The following LONP2 variants were observed in gnomAD, a reference collection of about 807,000 sequenced individuals.
LONP2 encodes the protein lon peptidase 2, peroxisomal, also known as lon protease homolog 2, peroxisomal.
In LONP2, 60 loss-of-function variants were observed where a neutral mutation model predicts 85.6. The observed-to-expected ratio is 0.70, with a 90% CI of 0.57 to 0.87. LONP2 has a LOEUF of 0.87. LONP2 is among the 40% of genes least tolerant of loss of function. LONP2 has a pLI of 0.00. For synonymous variants in LONP2, 395 were observed against 389.7 expected (o/e 1.01, Z -0.16); for missense variants, 860 against 1,063.5 (o/e 0.81, Z 2.66).
chr16:48,301,972 T>C (rs570327221), intron 10 of LONP2, among the ~76,000 whole-genome samples: 16 of 152,346 alleles, frequency 1.1e-4, no homozygotes, highest in African/African-American at 3.8e-4. Flanking sequence ...TCAATGTGTC[T>C]TTTAAAATTA....
In LONP2 at chr16:48,310,904, C is replaced by G. The variant is rs567682711; in HGVS notation, c.1795+7599C>G. Among the ~76,000 whole-genome samples the G allele has an allele frequency of 7.0e-4, 107 of 152,236 alleles. 1 individual carries two copies. Among genetic ancestry groups the G allele is most frequent in the Non-Finnish European group, 1.1e-3 (78 of 68,016 alleles). On this transcript the variant is annotated intron_variant, in intron 11 of 14. Coordinates refer to ENST00000285737, the MANE Select transcript of LONP2 (RefSeq NM_031490.5). The stretch of plus-strand genomic sequence containing the variant: ...TTATCTGGGAAACACTTTATTTCTC[C>G]TTCATTTGTGAAGCTTACACTAGCA...
At chr16:48,315,214 C>T (rs57833761) in intron 11 of LONP2, among the ~76,000 whole-genome samples, 2,404 of 152,304 alleles carry the variant, frequency 0.016, 54 homozygotes, top group African/African-American at 0.053. Context: ...TCAACATTCT[C>T]CAGTAAACAC....
chr16:48,255,710 G>T (rs1971744959), intron 2 of LONP2, among the ~76,000 whole-genome samples: 1 of 152,064 alleles, frequency 6.6e-6, no homozygotes, highest in African/African-American at 2.4e-5. Context: ...CCCCCATACT[G>T]TTCTCTTGGT....
intron 11 of LONP2, among the ~76,000 whole-genome samples, chr16:48,316,637 G>A (rs531968837): frequency 6.6e-6 from 1 of 151,994 alleles, no homozygotes; most frequent in East Asian, 1.9e-4. Flanking sequence ...AGGATTCTTT[G>A]TATATATATG....
chr16:48,257,858 CAG>C (rs1971791786), intron 3 of LONP2, among the ~76,000 whole-genome samples: 1 of 152,212 alleles, frequency 6.6e-6, no homozygotes, highest in Non-Finnish European at 1.5e-5. Flanking sequence ...ACTGCGGGAA[CAG>C]AGAGCGGCCT....
chr16:48,347,746 A>T (rs1330329004), intron 13 of LONP2, 32 bp downstream of exon 13: 8 of 1,590,004 alleles, frequency 5.0e-6, no homozygotes, highest in Non-Finnish European at 5.1e-6. Flanking sequence ...GGCAGGCGTG[A>T]CCCAGGAGGC....
At chr16:48,296,304 A>G (rs1444029824) in intron 9 of LONP2, 139 bp downstream of exon 9, 1 of 921,952 alleles carries the variant, frequency 1.1e-6, no homozygotes, top group Non-Finnish European at 1.6e-6. Flanking sequence ...ATGTATATAA[A>G]TCAGTTTCTA....
intron 1 of LONP2, among the ~76,000 whole-genome samples, chr16:48,245,007 C>T (rs770933225): frequency 6.6e-6 from 1 of 152,146 alleles, no homozygotes; most frequent in Non-Finnish European, 1.5e-5. Context: ...CGCTTTTCAC[C>T]TTTCTCCCCA....
intron 12 of LONP2, chr16:48,344,763 A>C (rs1447112951): frequency 6.6e-6 from 1 of 152,188 alleles, no homozygotes; most frequent in African/African-American, 2.4e-5. Flanking sequence ...TCTCTACAAA[A>C]AAATACAAAA....
chr16:48,362,204 G>A, downstream of LONP2: 1 of 1,614,196 alleles, frequency 6.2e-7, no homozygotes, highest in African/African-American at 1.3e-5. This position sits in a 1 kb window ranked among gnomAD's most constrained non-coding sequence, Gnocchi z 4.2. Flanking sequence ...AAGGGCCCCG[G>A]CAAGTTGGAC....
At chr16:48,340,275 G>A (rs1161304384) in intron 12 of LONP2, among the ~76,000 whole-genome samples, 1 of 152,176 alleles carries the variant, frequency 6.6e-6, no homozygotes, top group Non-Finnish European at 1.5e-5. Flanking sequence ...TGGTAAGCAT[G>A]TGCACGTTAT....
At chr16:48,312,384 A>C (rs769792239) in intron 11 of LONP2, among the ~76,000 whole-genome samples, 21 of 151,198 alleles carry the variant, frequency 1.4e-4, no homozygotes, top group Non-Finnish European at 2.4e-4. Flanking sequence ...TATTTCCAAT[A>C]TTACTGTGCT....
At chr16:48,348,773 C>G (rs955147690) in intron 14 of LONP2, among the ~76,000 whole-genome samples, 1 of 152,080 alleles carries the variant, frequency 6.6e-6, no homozygotes, top group African/African-American at 2.4e-5. Flanking sequence ...GGATTACAGG[C>G]GTGAGCCACC....
intron 12 of LONP2, among the ~76,000 whole-genome samples, chr16:48,340,208 A>G (rs537100730): frequency 1.3e-5 from 2 of 152,354 alleles, no homozygotes; most frequent in South Asian, 4.1e-4. Context: ...GCAGCCTCTT[A>G]CTGACTAAAT....
intron 11 of LONP2, among the ~76,000 whole-genome samples, chr16:48,305,879 C>T (rs966028976): frequency 3.9e-5 from 6 of 151,962 alleles, no homozygotes; most frequent in African/African-American, 1.5e-4. Flanking sequence ...TCTTAATTGT[C>T]ATTTTAATAC....
chr16:48,270,426 T>C (rs1308293623), intron 7 of LONP2, 152 bp downstream of exon 7: 1 of 859,166 alleles, frequency 1.2e-6, no homozygotes, highest in Non-Finnish European at 1.8e-6. Context: ...AAGTATCAGC[T>C]AGCCTAGAGC....
In LONP2 at chr16:48,303,172, G is replaced by T; in HGVS notation, c.1662G>T (p.Arg554Ser). Residue 554 changes from arginine to serine, a missense_variant and splice_region_variant, in exon 11 of 15, where the codon AGG becomes AGT. Physicochemically the swap from Arg to Ser is moderately radical, Grantham distance 110 (BLOSUM62 -1). Around this residue, in one of 3 missense-constraint regions of LONP2, gnomAD observed 743 missense variants for 917.3 expected, o/e 0.81. Transcript: ENST00000285737. ...ATAAAATATTTTTGTTTGATGACAG[G>T]TATACCAGAGAGGCAGGGGTTCGTT... is the stretch of plus-strand genomic sequence containing the variant. Reference protein sequence around the residue: ...PQVTTLDIITRYTREAGVRSL... With the variant: ...PQVTTLDIITSYTREAGVRSL... The T allele has an allele frequency of 6.2e-7, 1 of 1,614,006 alleles. No individual in the cohort carries two copies.
In LONP2 at chr16:48,299,654, T is replaced by C. The variant is rs777474977; in HGVS notation, c.1535-8T>C. On this transcript the variant is annotated splice_polypyrimidine_tract_variant and splice_region_variant and intron_variant, in intron 9 of 14. Coordinates refer to ENST00000285737, the MANE Select transcript of LONP2 (RefSeq NM_031490.5). Reference sequence around the variant, plus strand: ...AATAATTACAAAACAAGATCTCTTCTTTTCCAGGTTATACACAGGAGGAGA... The same window carrying C: ...AATAATTACAAAACAAGATCTCTTCCTTTCCAGGTTATACACAGGAGGAGA... The C allele has an allele frequency of 9.4e-6, 15 of 1,597,592 alleles. No homozygotes were observed. In the South Asian group the frequency reaches 1.7e-4, roughly 18 times the overall value.
chr16:48,248,885 GA>G (rs768247989), intron 1 of LONP2, among the ~76,000 whole-genome samples: 1,691 of 91,400 alleles, frequency 0.019, 15 homozygotes, highest in African/African-American at 0.046. Context: ...CTGTCTATAG[GA>G]AAAAAAAAAA....
Sources: allele counts gnomAD v4.1 joint callset (sites outside exome capture counted in the v4.1 genomes callset), GRCh38; gene constraint gnomAD v4.1.1; regional missense constraint gnomAD v4.1.1; non-coding constraint Gnocchi (gnomAD v3.1); transcripts MANE v1.5; gene names NCBI Gene and HGNC (gene_info 2026-07-23, HGNC 2026-07-21).